The following NRG3 variants were observed in gnomAD, a reference collection of about 807,000 sequenced individuals.
NRG3 encodes pro-neuregulin-3, membrane-bound isoform.
In NRG3, 31 loss-of-function variants were observed where a neutral mutation model predicts 66.9. The observed-to-expected ratio is 0.46, with a 90% CI of 0.35 to 0.63. The LOEUF (loss-of-function observed/expected upper bound fraction) is 0.63, where lower values mean the gene tolerates loss of function less well. Ranked by LOEUF, NRG3 falls within the 20% of genes least tolerant of loss-of-function variation. NRG3 has a pLI of 0.00. For missense variants in NRG3, 910 were observed against 878.9 expected, an observed-to-expected ratio of 1.04 and a Z score of -0.45; for synonymous variants, 393 against 359.4, an observed-to-expected ratio of 1.09 and a Z score of -1.06.
At chr10:82,021,010 T>A (rs1407860277) in intron 1 of NRG3, among the ~76,000 whole-genome samples, 2 of 152,062 alleles carry the variant, frequency 1.3e-5, no homozygotes. Context: ...ATTTCTTTAA[T>A]CATCTGGTGG....
chr10:82,398,518 T>TGAGA (rs1379663997), intron 2 of NRG3, among the ~76,000 whole-genome samples: 5 of 142,928 alleles, frequency 3.5e-5, no homozygotes, highest in Non-Finnish European at 6.1e-5. Flanking sequence ...TGTGTGTGTG[T>TGAGA]GTGTGTGTGA....
intron 1 of NRG3, among the ~76,000 whole-genome samples, chr10:82,120,402 T>G (rs2068008997): frequency 6.6e-6 from 1 of 152,114 alleles, no homozygotes; most frequent in Non-Finnish European, 1.5e-5. Context: ...ACCTATATTT[T>G]ACAAAAAAGA....
At chr10:82,212,017 G>T (rs76190213) in intron 1 of NRG3, among the ~76,000 whole-genome samples, 2,609 of 152,206 alleles carry the variant, frequency 0.017, 50 homozygotes, top group African/African-American at 0.04. Context: ...GAAACAGGAG[G>T]CATATATTTT....
intron 1 of NRG3, among the ~76,000 whole-genome samples, chr10:81,893,121 G>T (rs1269677575): frequency 6.6e-6 from 1 of 152,154 alleles, no homozygotes; most frequent in Non-Finnish European, 1.5e-5. Flanking sequence ...GTAATAAACG[G>T]AAAGTAAAAG....
At chr10:82,507,481 G>T (rs1844791871) in intron 2 of NRG3, among the ~76,000 whole-genome samples, 1 of 152,198 alleles carries the variant, frequency 6.6e-6, no homozygotes, top group Admixed American at 6.5e-5. Context: ...AAGGGAACAG[G>T]TGTGAAAAAC....
intron 2 of NRG3, among the ~76,000 whole-genome samples, chr10:82,385,345 C>T (rs1447227530): frequency 2.0e-5 from 3 of 152,038 alleles, no homozygotes; most frequent in Admixed American, 2.0e-4. Flanking sequence ...GATTTATTGA[C>T]TGTATTTATT....
intron 1 of NRG3, among the ~76,000 whole-genome samples, chr10:82,343,092 A>G (rs968103480): frequency 1.3e-5 from 2 of 152,082 alleles, no homozygotes; most frequent in African/African-American, 4.8e-5. Flanking sequence ...ATGTGGCTTT[A>G]TCAAATCTAG....
At chr10:82,102,173 T>C (rs1309175729) in intron 1 of NRG3, among the ~76,000 whole-genome samples, 2 of 140,414 alleles carry the variant, frequency 1.4e-5, no homozygotes, top group Non-Finnish European at 3.1e-5. Context: ...TATATGAATG[T>C]AATGTCTTCT....
chr10:81,929,539 C>G (rs575590937), intron 1 of NRG3, among the ~76,000 whole-genome samples: 1 of 152,254 alleles, frequency 6.6e-6, no homozygotes, highest in African/African-American at 2.4e-5. Context: ...GACTGAAACA[C>G]ATTTTTTTCT....
At chr10:82,877,958 C>T (rs1841982780) in intron 4 of NRG3, among the ~76,000 whole-genome samples, 1 of 152,066 alleles carries the variant, frequency 6.6e-6, no homozygotes, top group Non-Finnish European at 1.5e-5. Context: ...TTGTAGGCAA[C>T]CTTTTTTGAA....
At chr10:82,552,453 T>C (rs1384129512) in intron 2 of NRG3, among the ~76,000 whole-genome samples, 1 of 152,208 alleles carries the variant, frequency 6.6e-6, no homozygotes, top group South Asian at 2.1e-4. Flanking sequence ...GATGATATTT[T>C]CTATTTAAAA....
chr10:82,575,140 CA>C (rs2045956915), intron 2 of NRG3, among the ~76,000 whole-genome samples: 1 of 151,670 alleles, frequency 6.6e-6, no homozygotes, highest in Admixed American at 6.6e-5. Flanking sequence ...TAGCATTCCA[CA>C]ATGCATACGT....
intron 1 of NRG3, among the ~76,000 whole-genome samples, chr10:82,358,045 T>C (rs533258317): frequency 6.6e-6 from 1 of 152,316 alleles, no homozygotes; most frequent in Admixed American, 6.5e-5. Context: ...ATTCTCATAT[T>C]TGGGATGCAG....
intron 3 of NRG3, among the ~76,000 whole-genome samples, chr10:82,746,668 G>T (rs2058659010): frequency 6.6e-6 from 1 of 152,094 alleles, no homozygotes; most frequent in South Asian, 2.1e-4. Flanking sequence ...TATAAATTCT[G>T]CGTGTGGTGT....
intron 2 of NRG3, among the ~76,000 whole-genome samples, chr10:82,517,158 T>G (rs17100158): frequency 6.6e-6 from 1 of 151,960 alleles, no homozygotes; most frequent in African/African-American, 2.4e-5. Context: ...AATATGGGAG[T>G]GATTTTGTCC....
At chr10:82,257,496 G>A (rs1254594577) in intron 1 of NRG3, among the ~76,000 whole-genome samples, 2 of 152,112 alleles carry the variant, frequency 1.3e-5, no homozygotes, top group African/African-American at 4.8e-5. Context: ...TAGGCCGAGC[G>A]TGGTGGCTCA....
chr10:82,094,037 G>C (rs191926838), intron 1 of NRG3, among the ~76,000 whole-genome samples: 1 of 152,012 alleles, frequency 6.6e-6, no homozygotes, highest in African/African-American at 2.4e-5. Flanking sequence ...TGTAAATTAC[G>C]ACACAAATGT....
At chr10:82,765,628 C>T (rs578216194) in intron 3 of NRG3, among the ~76,000 whole-genome samples, 1 of 152,220 alleles carries the variant, frequency 6.6e-6, no homozygotes, top group East Asian at 1.9e-4. Flanking sequence ...AAAGCCATAA[C>T]AAACAATCAA....
chr10:82,676,559 C>A (rs1228173109), intron 2 of NRG3, among the ~76,000 whole-genome samples: 1 of 152,104 alleles, frequency 6.6e-6, no homozygotes, highest in Non-Finnish European at 1.5e-5. Context: ...TCTTGGCTCA[C>A]TGCAACCTTC....
Sources: allele counts gnomAD v4.1 joint callset (sites outside exome capture counted in the v4.1 genomes callset), GRCh38; gene constraint gnomAD v4.1.1; transcripts MANE v1.5; gene names NCBI Gene and HGNC (gene_info 2026-07-23, HGNC 2026-07-21).